ADCY8: variants seen among roughly 807,000 people sequenced by gnomAD.
The protein encoded by ADCY8 is adenylate cyclase type 8.
ADCY8 carries 51 observed loss-of-function variants against 119.7 expected under a neutral mutation model. The observed-to-expected ratio is 0.43, with a 90% confidence interval of 0.34 to 0.54. ADCY8 has a LOEUF of 0.54. ADCY8 is among the 20% of genes least tolerant of loss of function. The pLI is 0.03. For synonymous variants in ADCY8, 665 were observed against 651.0 expected, an observed-to-expected ratio of 1.02 and a Z score of -0.33; for missense variants, 1,383 against 1,598.8, an observed-to-expected ratio of 0.87 and a Z score of 2.30.
At chr8:130,794,909 G>T (rs1375564387) in intron 15 of ADCY8, among the ~76,000 whole-genome samples, 1 of 152,158 alleles carries the variant, frequency 6.6e-6, no homozygotes, top group African/African-American at 2.4e-5. Flanking sequence ...TAAATTCAAT[G>T]CCCTTGCAGG....
At chr8:130,954,348 A>G (rs1821361323) in intron 2 of ADCY8, among the ~76,000 whole-genome samples, 1 of 152,226 alleles carries the variant, frequency 6.6e-6, no homozygotes, top group Non-Finnish European at 1.5e-5. Flanking sequence ...CTATTCATTC[A>G]CAGGACCTAG....
intron 12 of ADCY8, among the ~76,000 whole-genome samples, chr8:130,829,356 A>G (rs1456852688): frequency 6.6e-6 from 1 of 152,146 alleles, no homozygotes; most frequent in Admixed American, 6.5e-5. Context: ...GGTAAGAGGG[A>G]AGTATATCTT....
chr8:130,914,698 C>T (rs770770810), intron 5 of ADCY8, among the ~76,000 whole-genome samples: 14 of 152,154 alleles, frequency 9.2e-5, no homozygotes, highest in Admixed American at 2.0e-4. Context: ...CTACTCCTAG[C>T]GACAAGTCTT....
At chr8:131,023,326 T>C (rs1823731641) in intron 1 of ADCY8, among the ~76,000 whole-genome samples, 1 of 152,198 alleles carries the variant, frequency 6.6e-6, no homozygotes, top group African/African-American at 2.4e-5. Context: ...CGTGTTCTTT[T>C]ACCTTACTCT....
intron 8 of ADCY8, among the ~76,000 whole-genome samples, chr8:130,870,140 A>C (rs1291614883): frequency 6.6e-6 from 1 of 151,126 alleles, no homozygotes; most frequent in Non-Finnish European, 1.5e-5. Flanking sequence ...CAGCCTCCTG[A>C]ATAGCTGGGA....
At chr8:131,019,825 C>CTCTCTCTGTCTG (rs1563770539) in intron 1 of ADCY8, among the ~76,000 whole-genome samples, 19 of 124,574 alleles carry the variant, frequency 1.5e-4, no homozygotes, top group Non-Finnish European at 2.3e-4. Flanking sequence ...CTCTCTCTCT[C>CTCTCTCTGTCTG]TCTCTCTCTC....
intron 14 of ADCY8, among the ~76,000 whole-genome samples, chr8:130,813,393 C>G (rs1816233940): frequency 1.3e-5 from 2 of 151,902 alleles, no homozygotes; most frequent in South Asian, 4.2e-4. Context: ...TCCAATTCTC[C>G]CCTCCCTCCA....
intron 1 of ADCY8, among the ~76,000 whole-genome samples, chr8:131,011,331 TG>T (rs1449868732): frequency 1.3e-5 from 2 of 152,156 alleles, no homozygotes; most frequent in Admixed American, 1.3e-4. Flanking sequence ...AAATTAGATA[TG>T]TTTTGAAGAC....
Position 131,040,260 on chromosome 8 carries a change from C to T in ADCY8, c.74G>A (p.Gly25Asp), listed in dbSNP as rs759131268. 4.4e-5 allele frequency: 69 copies of T among 1,555,810 alleles called. No homozygotes were observed. The highest frequency in any genetic ancestry group is 2.5e-5 in the Non-Finnish European group (29 of 1,157,400). The change falls in exon 1 of 18, where the codon GGC becomes GAC. Residue 25 changes from glycine to aspartate, a missense_variant. Gly to Asp is a moderately conservative substitution (Grantham distance 94). This residue lies in a region of ADCY8 where 455 missense variants were observed against 435.3 expected (regional missense o/e 1.05). Coordinates refer to ENST00000286355, the MANE Select transcript of ADCY8 (RefSeq NM_001115.3). ...CGGCCGGGAGGCGCTCCTGCCGTCG[C>T]CGGCCGGGGGCGTCGGGTGGATGGT... ...LYTIHPTPPA[G>D]DGRSASRPQR...
chr8:130,825,748 C>G (rs553508610), intron 12 of ADCY8, among the ~76,000 whole-genome samples: 5 of 152,314 alleles, frequency 3.3e-5, no homozygotes, highest in African/African-American at 1.2e-4. Context: ...TGTGGCTAAC[C>G]TCTTCGCTGT....
chr8:130,906,138 C>A (rs981476413), intron 6 of ADCY8, among the ~76,000 whole-genome samples: 3 of 152,190 alleles, frequency 2.0e-5, no homozygotes, highest in African/African-American at 4.8e-5. Flanking sequence ...GAGAAATGTG[C>A]TGAATAAATA....
intron 7 of ADCY8, among the ~76,000 whole-genome samples, chr8:130,902,534 A>G (rs1819636448): frequency 6.6e-6 from 1 of 152,172 alleles, no homozygotes; most frequent in African/African-American, 2.4e-5. Context: ...TGGCCCATGC[A>G]TTTTCTCATA....
At chr8:130,906,182 T>C (rs13248582) in intron 6 of ADCY8, among the ~76,000 whole-genome samples, 74,154 of 152,140 alleles carry the variant, frequency 0.49, 19,205 homozygotes, top group East Asian at 0.63. Flanking sequence ...TGTTAATACA[T>C]ATGAACTCAA....
chr8:130,800,677 C>G (rs1285499574), intron 14 of ADCY8, 105 bp from the exon 15 acceptor site: 3 of 1,243,156 alleles, frequency 2.4e-6, no homozygotes, highest in Non-Finnish European at 3.4e-6. Context: ...CAGTCACCCA[C>G]AGAGAGACAG....
At chr8:130,935,021 A>G (rs887059037) in intron 5 of ADCY8, among the ~76,000 whole-genome samples, 1 of 152,232 alleles carries the variant, frequency 6.6e-6, no homozygotes, top group Admixed American at 6.5e-5. Flanking sequence ...CATAGGATCA[A>G]TGACATAAGA....
chr8:130,822,516 A>G (rs1305472118), intron 12 of ADCY8, among the ~76,000 whole-genome samples: 4 of 139,766 alleles, frequency 2.9e-5, no homozygotes, highest in African/African-American at 5.5e-5. Flanking sequence ...TCATGAATCC[A>G]TGAATCCATG....
At chr8:130,847,555 A>C in intron 10 of ADCY8, 42 bp from the exon 11 acceptor site, 11 of 1,494,000 alleles carry the variant, frequency 7.4e-6, no homozygotes, top group African/African-American at 1.4e-5. Context: ...CAAAAACAAA[A>C]ACAGGAACAA....
intron 7 of ADCY8, among the ~76,000 whole-genome samples, chr8:130,887,134 T>A (rs184805433): frequency 2.0e-5 from 3 of 152,180 alleles, no homozygotes; most frequent in Non-Finnish European, 4.4e-5. Context: ...GAATTGATAC[T>A]GGTATGTAGA....
At chr8:130,893,215 C>T (rs1019680418) in intron 7 of ADCY8, among the ~76,000 whole-genome samples, 1 of 152,130 alleles carries the variant, frequency 6.6e-6, no homozygotes, top group Non-Finnish European at 1.5e-5. Flanking sequence ...GAATTTTTAG[C>T]TTTTTAAGTA....
Sources: gnomAD v4.1 joint callset for allele counts (sites outside exome capture counted in the v4.1 genomes callset) on GRCh38, gnomAD v4.1.1 for gene constraint, gnomAD v4.1.1 regional missense constraint, MANE v1.5 for transcripts, NCBI Gene and HGNC (gene_info 2026-07-23, HGNC 2026-07-21) for gene names.